Variants in RARB observed in about 807,000 individuals in gnomAD.
RARB encodes the protein HBV-activated protein.
Under a neutral mutation model 51.9 loss-of-function variants are expected in RARB, and 17 were observed. The ratio of observed to expected loss-of-function variants is 0.33; its 90% CI spans 0.22 to 0.49. The LOEUF is 0.49. Among genes scored for constraint, RARB ranks in the 20% least tolerant of loss-of-function variants. The pLI, the probability that RARB is intolerant of heterozygous loss-of-function variation, is 0.99. For synonymous variants in RARB, 215 were observed against 195.4 expected, an observed-to-expected ratio of 1.10 and a Z score of -0.84; for missense variants, 369 against 550.8, an observed-to-expected ratio of 0.67 and a Z score of 3.30.
At chr3:25,236,700 T>C (rs928484018) in intron 5 of RARB, among the ~76,000 whole-genome samples, 1 of 152,110 alleles carries the variant, frequency 6.6e-6, no homozygotes, top group African/African-American at 2.4e-5. Context: ...TTTACATTAA[T>C]GTATGTCTGC....
At chr3:24,908,138 A>G (rs892138738) in intron 2 of RARB, among the ~76,000 whole-genome samples, 1 of 152,168 alleles carries the variant, frequency 6.6e-6, no homozygotes, top group African/African-American at 2.4e-5. Context: ...GCATGTTCCA[A>G]GCCTCTGAAT....
At chr3:25,392,642 T>C (rs1706997907) in intron 5 of RARB, among the ~76,000 whole-genome samples, 1 of 152,008 alleles carries the variant, frequency 6.6e-6, no homozygotes, top group Admixed American at 6.6e-5. Flanking sequence ...ATATTTTTTT[T>C]CACAGTTGCT....
intron 3 of RARB, among the ~76,000 whole-genome samples, chr3:25,112,258 C>T (rs527559038): frequency 1.2e-4 from 19 of 152,236 alleles, no homozygotes; most frequent in African/African-American, 4.6e-4. Flanking sequence ...TGGTGAAAGA[C>T]TCCACCAAAT....
At chr3:24,938,726 C>G (rs892901298) in intron 2 of RARB, among the ~76,000 whole-genome samples, 1 of 152,144 alleles carries the variant, frequency 6.6e-6, no homozygotes, top group Non-Finnish European at 1.5e-5. Flanking sequence ...TCTACATTCT[C>G]CCCGCCCTCA....
At chr3:25,156,697 T>C (rs1259923686) in intron 4 of RARB, among the ~76,000 whole-genome samples, 2 of 152,120 alleles carry the variant, frequency 1.3e-5, no homozygotes, top group African/African-American at 4.8e-5. Flanking sequence ...CAGCCAGTAT[T>C]TTTGAGTCCT....
At chr3:24,903,271 A>C (rs887111005) in intron 2 of RARB, among the ~76,000 whole-genome samples, 11 of 152,172 alleles carry the variant, frequency 7.2e-5, no homozygotes, top group African/African-American at 2.4e-4. Context: ...AATAATAATC[A>C]TAAAAATATG....
At chr3:25,163,789 A>C (rs1359058302) in intron 4 of RARB, among the ~76,000 whole-genome samples, 1 of 152,062 alleles carries the variant, frequency 6.6e-6, no homozygotes, top group South Asian at 2.1e-4. Context: ...ATTCTGGAAC[A>C]CCAATTAGAA....
intron 2 of RARB, among the ~76,000 whole-genome samples, chr3:24,890,446 G>A (rs775913011): frequency 1.1e-4 from 16 of 152,264 alleles, no homozygotes; most frequent in South Asian, 6.2e-4. Flanking sequence ...GAGCGGCACC[G>A]TGAAGACGTA....
chr3:25,058,564 T>C (rs986946173), intron 2 of RARB, among the ~76,000 whole-genome samples: 29 of 151,804 alleles, frequency 1.9e-4, no homozygotes, highest in African/African-American at 7.0e-4. Context: ...ATAAGTACAG[T>C]TATTACAACT....
At chr3:25,166,877 C>T (rs542991336) in intron 4 of RARB, among the ~76,000 whole-genome samples, 1 of 152,292 alleles carries the variant, frequency 6.6e-6, no homozygotes, top group Middle Eastern at 3.4e-3. Context: ...TCACATTATC[C>T]ACTACATTTG....
At chr3:25,048,505 T>C (rs1043153027) in intron 2 of RARB, among the ~76,000 whole-genome samples, 1 of 152,206 alleles carries the variant, frequency 6.6e-6, no homozygotes, top group African/African-American at 2.4e-5. Context: ...ATTATACAGG[T>C]TTGCTTATAC....
At chr3:24,927,378 T>A (rs1194261319) in intron 2 of RARB, among the ~76,000 whole-genome samples, 1 of 152,078 alleles carries the variant, frequency 6.6e-6, no homozygotes, top group Non-Finnish European at 1.5e-5. Context: ...TTTAAGAAGC[T>A]ACAAATAATG....
At chr3:25,393,454 A>T (rs1386272376) in intron 5 of RARB, among the ~76,000 whole-genome samples, 1 of 152,158 alleles carries the variant, frequency 6.6e-6, no homozygotes, top group Non-Finnish European at 1.5e-5. Context: ...TAATAGTTTC[A>T]ATAGGATTGG....
chr3:24,976,768 G>C (rs778881065), intron 2 of RARB, among the ~76,000 whole-genome samples: 1 of 152,268 alleles, frequency 6.6e-6, no homozygotes, highest in South Asian at 2.1e-4. Context: ...AGTTTAATTA[G>C]ATCCCATTTG....
At chr3:25,133,650 T>G (rs1699986961) in intron 4 of RARB, among the ~76,000 whole-genome samples, 1 of 151,988 alleles carries the variant, frequency 6.6e-6, no homozygotes, top group Non-Finnish European at 1.5e-5. Flanking sequence ...AAATGTGTTT[T>G]CTGTGACTAC....
intron 2 of RARB, among the ~76,000 whole-genome samples, chr3:24,905,208 G>A (rs1225111862): frequency 6.6e-6 from 1 of 152,164 alleles, no homozygotes; most frequent in African/African-American, 2.4e-5. Flanking sequence ...TTTCATAGAT[G>A]GTAGAGTGAA....
At chr3:25,274,851 C>A (rs1316228708) in intron 5 of RARB, among the ~76,000 whole-genome samples, 3 of 152,086 alleles carry the variant, frequency 2.0e-5, no homozygotes, top group Non-Finnish European at 4.4e-5. Context: ...GGCAGACTGA[C>A]ATTTCTACCC....
chr3:24,835,084 A>G (rs367838770), intron 1 of RARB, among the ~76,000 whole-genome samples: 7 of 152,260 alleles, frequency 4.6e-5, no homozygotes, highest in African/African-American at 1.7e-4. Flanking sequence ...AAACAAAATA[A>G]AAATATATGT....
Position 24,942,921 on chromosome 3 carries a change from T to A in RARB, c.-380+84169T>A, listed in dbSNP as rs114976996. Among the ~76,000 whole-genome samples the A allele has an allele frequency of 8.5e-3, 1,295 of 152,316 alleles. 17 individuals are homozygous for A. The highest frequency in any genetic ancestry group is 0.03 in the African/African-American group (1,245 of 41,568). On this transcript the variant is annotated intron_variant, in intron 2 of 11. Transcript: ENST00000383772. Reference sequence around the variant, plus strand: ...TCCTGTTATCTCATTTTAAAAGTATTAATAAAAATGTAAGAGAACCAAGGT... The same window carrying A: ...TCCTGTTATCTCATTTTAAAAGTATAAATAAAAATGTAAGAGAACCAAGGT...
Sources: gnomAD v4.1 joint callset for allele counts (sites outside exome capture counted in the v4.1 genomes callset) on GRCh38, gnomAD v4.1.1 for gene constraint, MANE v1.5 for transcripts, NCBI Gene and HGNC (gene_info 2026-07-23, HGNC 2026-07-21) for gene names.